The following GNA14 variants were observed in gnomAD, a reference collection of about 807,000 sequenced individuals.
GNA14 encodes guanine nucleotide-binding protein subunit alpha-14.
Under a neutral mutation model 42.0 loss-of-function variants are expected in GNA14, and 50 were observed. The ratio of observed to expected loss-of-function variants is 1.19; its 90% CI spans 0.95 to 1.51. The LOEUF is 1.51. GNA14 is among the 40% of genes most tolerant of loss of function. The probability of loss-of-function intolerance (pLI) is 0.00; values close to 1 mark genes in which losing one functional copy is unlikely to be tolerated. For synonymous variants in GNA14, 173 were observed against 163.1 expected (o/e 1.06, Z -0.46); for missense variants, 473 against 446.2 (o/e 1.06, Z -0.54).
At chr9:77,624,775 C>T (rs866527931) in intron 1 of GNA14, among the ~76,000 whole-genome samples, 9 of 152,170 alleles carry the variant, frequency 5.9e-5, no homozygotes, top group Middle Eastern at 3.4e-3. Context: ...ACCAAAGGTA[C>T]ATAAATTCAT....
intron 2 of GNA14, among the ~76,000 whole-genome samples, chr9:77,435,441 C>T (rs1484779905): frequency 2.0e-5 from 3 of 152,074 alleles, no homozygotes; most frequent in Admixed American, 6.5e-5. Context: ...GCAAGTACAG[C>T]GCATTCTCAC....
intron 1 of GNA14, among the ~76,000 whole-genome samples, chr9:77,640,910 T>C (rs1587858088): frequency 6.9e-6 from 1 of 145,682 alleles, no homozygotes; most frequent in East Asian, 2.0e-4. Flanking sequence ...CAGAGGCATG[T>C]CACAGTGACA....
chr9:77,505,281 A>G (rs886857571), intron 2 of GNA14, among the ~76,000 whole-genome samples: 1 of 152,222 alleles, frequency 6.6e-6, no homozygotes, highest in Non-Finnish European at 1.5e-5. Context: ...GTTATCTTTC[A>G]ATCTCTTTAA....
chr9:77,426,496 G>T (rs1378280993), intron 5 of GNA14, among the ~76,000 whole-genome samples: 1 of 152,050 alleles, frequency 6.6e-6, no homozygotes, highest in Non-Finnish European at 1.5e-5. Context: ...AATAGAGACG[G>T]GGTTTCACCG....
intron 2 of GNA14, among the ~76,000 whole-genome samples, chr9:77,509,508 G>A (rs1837124970): frequency 6.6e-6 from 1 of 152,154 alleles, no homozygotes; most frequent in Non-Finnish European, 1.5e-5. Flanking sequence ...GACCCAGTGA[G>A]TTTTCTAAAA....
At chr9:77,571,951 A>T (rs992902367) in intron 1 of GNA14, among the ~76,000 whole-genome samples, 4 of 152,096 alleles carry the variant, frequency 2.6e-5, no homozygotes, top group Admixed American at 1.3e-4. Flanking sequence ...CTGGCTGCTC[A>T]TAAGAGAATC....
chr9:77,488,784 T>TAAAAAAAAAA (rs67416479), intron 2 of GNA14, among the ~76,000 whole-genome samples: 61 of 53,688 alleles, frequency 1.1e-3, no homozygotes, highest in Middle Eastern at 0.019. Flanking sequence ...CACACCTAAT[T>TAAAAAAAAAA]AAAAAAAAAA....
In GNA14 at chr9:77,495,445, G is replaced by A. The variant is rs117043764; in HGVS notation, c.309+33624C>T. Among the ~76,000 whole-genome samples, 561 of 152,232 alleles carry A rather than the reference G, an allele frequency of 3.7e-3. 1 individual carries two copies. Among genetic ancestry groups the A allele is most frequent in the Non-Finnish European group, 5.4e-3 (365 of 68,018 alleles). ...GGGCAGACGCACAAAAAAGAATGTCGCCTGGATCCCTGAGTGACCATTTGG... is the reference window on the plus strand; with the variant it reads ...GGGCAGACGCACAAAAAAGAATGTCACCTGGATCCCTGAGTGACCATTTGG... On this transcript the variant is annotated intron_variant, in intron 2 of 6. Transcript: ENST00000341700.
At chr9:77,502,290 T>C (rs531862407) in intron 2 of GNA14, among the ~76,000 whole-genome samples, 3 of 152,348 alleles carry the variant, frequency 2.0e-5, no homozygotes, top group South Asian at 4.1e-4. Flanking sequence ...CATATCTCGA[T>C]TGTCCTTGTC....
At chr9:77,459,060 T>C (rs7030615) in intron 2 of GNA14, among the ~76,000 whole-genome samples, 9,222 of 152,096 alleles carry the variant, frequency 0.061, 310 homozygotes, top group East Asian at 0.16. Flanking sequence ...TTAATGCCAC[T>C]GAATTGTACA....
chr9:77,536,540 G>A (rs910536550), intron 1 of GNA14, among the ~76,000 whole-genome samples: 1 of 152,074 alleles, frequency 6.6e-6, no homozygotes, highest in Non-Finnish European at 1.5e-5. Flanking sequence ...TAGTAGAGAC[G>A]GGGTTTCACC....
intron 1 of GNA14, among the ~76,000 whole-genome samples, chr9:77,557,016 G>A (rs1273172786): frequency 1.3e-5 from 2 of 152,142 alleles, no homozygotes; most frequent in Admixed American, 6.5e-5. Flanking sequence ...GGGTTACCAC[G>A]GTTAAGAAGA....
At chr9:77,611,268 A>G (rs945473365) in intron 1 of GNA14, among the ~76,000 whole-genome samples, 3 of 152,198 alleles carry the variant, frequency 2.0e-5, no homozygotes, top group Admixed American at 2.0e-4. Flanking sequence ...CATTGCATAG[A>G]AAGTAACATG....
At chr9:77,493,026 A>AAATATATATATATATATATAT (rs1554691641) in intron 2 of GNA14, among the ~76,000 whole-genome samples, 21 of 51,588 alleles carry the variant, frequency 4.1e-4, no homozygotes, top group Non-Finnish European at 6.9e-4. Context: ...AAAAAAAAAA[A>AAATATATATATATATATATAT]ATATATATAT....
intron 1 of GNA14, among the ~76,000 whole-genome samples, chr9:77,543,564 A>C (rs922216630): frequency 6.6e-6 from 1 of 152,192 alleles, no homozygotes; most frequent in East Asian, 1.9e-4. Context: ...GTAGCTCTCT[A>C]TGAGAGTCTC....
intron 2 of GNA14, among the ~76,000 whole-genome samples, chr9:77,459,726 A>C (rs1587774092): frequency 6.6e-6 from 1 of 152,266 alleles, no homozygotes; most frequent in East Asian, 1.9e-4. Flanking sequence ...CCAAATGTCA[A>C]ATGAGCTTCT....
chr9:77,601,412 CTCATTTACGCTAA>C (rs1447729339), intron 1 of GNA14, among the ~76,000 whole-genome samples: 2 of 152,168 alleles, frequency 1.3e-5, no homozygotes, highest in East Asian at 3.9e-4. Context: ...AGATATAAAC[CTCATTTACGCTAA>C]TAGAACACAC....
intron 1 of GNA14, among the ~76,000 whole-genome samples, chr9:77,640,625 C>T (rs1472399268): frequency 1.3e-5 from 2 of 152,140 alleles, no homozygotes; most frequent in African/African-American, 4.8e-5. Context: ...TCAAAAATTT[C>T]ATCCTCTAAT....
At chr9:77,474,563 T>C (rs7850790) in intron 2 of GNA14, among the ~76,000 whole-genome samples, 8,819 of 152,266 alleles carry the variant, frequency 0.058, 704 homozygotes, top group African/African-American at 0.18. Context: ...TATAAAATCA[T>C]GTGGCCACTT....
Sources: allele counts gnomAD v4.1 joint callset (sites outside exome capture counted in the v4.1 genomes callset), GRCh38; gene constraint gnomAD v4.1.1; transcripts MANE v1.5; gene names NCBI Gene and HGNC (gene_info 2026-07-23, HGNC 2026-07-21).